STYXL2: variants seen among roughly 807,000 people sequenced by gnomAD.
STYXL2 encodes serine/threonine/tyrosine interacting like 2.
Under a neutral mutation model 52.4 loss-of-function variants are expected in STYXL2, and 44 were observed. That is an observed-to-expected ratio of 0.84 (90% confidence interval 0.66 to 1.08). The LOEUF is 1.08. STYXL2 is among the 50% of genes least tolerant of loss of function. STYXL2 has a pLI of 0.00. For synonymous variants in STYXL2, 604 were observed against 586.9 expected (o/e 1.03, Z -0.42); for missense variants, 1,604 against 1,471.7 (o/e 1.09, Z -1.47).
intron 5 of STYXL2, among the ~76,000 whole-genome samples, chr1:167,124,084 T>C (rs1196823990): frequency 2.0e-5 from 3 of 151,934 alleles, no homozygotes; most frequent in East Asian, 3.9e-4. Context: ...TTTTTTGTTT[T>C]TGTTTTTTTT....
intron 2 of STYXL2, among the ~76,000 whole-genome samples, chr1:167,101,681 G>A (rs1305472906): frequency 6.6e-6 from 1 of 151,960 alleles, no homozygotes; most frequent in Non-Finnish European, 1.5e-5. Flanking sequence ...GTGGGCACCT[G>A]TAAGCCCAGC....
chr1:167,102,057 A>G (rs1667414095), intron 2 of STYXL2, among the ~76,000 whole-genome samples: 2 of 152,214 alleles, frequency 1.3e-5, no homozygotes, highest in South Asian at 4.1e-4. Context: ...AAGGGTACAT[A>G]CTATATTATT....
chr1:167,102,830 T>C (rs1259323299), intron 2 of STYXL2, among the ~76,000 whole-genome samples: 1 of 152,220 alleles, frequency 6.6e-6, no homozygotes, highest in Non-Finnish European at 1.5e-5. Context: ...TTAAGTTAAA[T>C]TTTAAGTCTT....
Position 167,128,225 on chromosome 1 carries a change from TC to T in STYXL2, c.3097del (p.Arg1033GlufsTer61). The T allele has an allele frequency of 1.2e-6, 2 of 1,614,048 alleles. No individual in the cohort carries two copies. The highest frequency in any genetic ancestry group is 8.5e-7 in the Non-Finnish European group (1 of 1,180,008). On this transcript the variant is annotated frameshift_variant, in exon 6 of 6. Transcript: ENST00000361200. LOFTEE classifies it high-confidence loss of function. ...SRSTYNETSS[S>X]REESPEPYFF... is the part of the protein sequence containing the mutation. ...GTCCACGTACAACGAGACCTCAAGT[TC>T]CCGAGAGGAGAGCCCAGAGCCCTAC...
At chr1:167,097,756 T>C (rs2102219640) in intron 2 of STYXL2, among the ~76,000 whole-genome samples, 1 of 151,836 alleles carries the variant, frequency 6.6e-6, no homozygotes, top group East Asian at 1.9e-4. Flanking sequence ...CTCAAATATA[T>C]AAATAACTAC....
chr1:167,114,285 T>C (rs1667679407), intron 3 of STYXL2, among the ~76,000 whole-genome samples: 1 of 152,208 alleles, frequency 6.6e-6, no homozygotes, highest in Non-Finnish European at 1.5e-5. Context: ...ATTTACACAG[T>C]AAAATTTTGA....
At chr1:167,105,403 G>A (rs1231069174) in intron 2 of STYXL2, among the ~76,000 whole-genome samples, 2 of 152,212 alleles carry the variant, frequency 1.3e-5, no homozygotes, top group South Asian at 2.1e-4. Context: ...GATGAGGTAT[G>A]TATCGATCCT....
chr1:167,126,135 C>A lies in STYXL2; in HGVS notation c.1004C>A (p.Ala335Asp). Residue 335 changes from alanine (A) to aspartate (D), a missense_variant, in exon 6 of 6, where the codon GCC (alanine) becomes GAC (aspartate). Physicochemically the swap from Ala to Asp is moderately radical, Grantham distance 126 (BLOSUM62 -2). Transcript: ENST00000361200. Reference sequence around the variant, plus strand: ...TCCTCCCTGGGGAAGGCCACCCAGGCCTCCAAGCCCCTCACCCTCATAGAC... The same window carrying A: ...TCCTCCCTGGGGAAGGCCACCCAGGACTCCAAGCCCCTCACCCTCATAGAC... ...SGSSLGKATQASKPLTLIDEE... is the reference protein window; with the variant it reads ...SGSSLGKATQDSKPLTLIDEE... 1 of 1,509,578 alleles carries A rather than the reference C, an allele frequency of 6.6e-7. No homozygotes were observed. Among genetic ancestry groups the A allele is most frequent in the Non-Finnish European group, 8.8e-7 (1 of 1,132,280 alleles). The allele number at this position is 1,509,578 out of a possible 1,614,324, so 93.5% of individuals were successfully genotyped here. A position where few individuals can be genotyped will look rare whatever the true frequency, so the allele number is the denominator to read the frequency against.
Position 167,126,792 on chromosome 1 carries a change from T to C in STYXL2, c.1661T>C (p.Phe554Ser), listed in dbSNP as rs1571349610. The C allele has an allele frequency of 1.9e-6, 3 of 1,614,040 alleles. No individual in the cohort carries two copies. The highest frequency in any genetic ancestry group is 2.5e-6 in the Non-Finnish European group (3 of 1,179,994). The change falls in exon 6 of 6, where the codon TTT becomes TCT. Residue 554 changes from phenylalanine to serine, a missense_variant. Transcript: ENST00000361200. Reference sequence around the variant, plus strand: ...AGATGGAAGATCAAGAGAATCCAATTTGGATTTCACAAGAAAGACTTGGGA... The same window carrying C: ...AGATGGAAGATCAAGAGAATCCAATCTGGATTTCACAAGAAAGACTTGGGA... Reference protein sequence around the residue: ...LERWKIKRIQFGFHKKDLGAG... With the variant: ...LERWKIKRIQSGFHKKDLGAG...
chr1:167,105,169 T>C (rs1180601915), intron 2 of STYXL2, among the ~76,000 whole-genome samples: 7 of 151,840 alleles, frequency 4.6e-5, no homozygotes, highest in African/African-American at 1.7e-4. Flanking sequence ...CTTCCTTCCT[T>C]TTTTTCTGTT....
Position 167,128,831 on chromosome 1 carries a change from A to G in STYXL2, c.*223A>G. On this transcript the variant is annotated 3_prime_UTR_variant, in exon 6 of 6. Coordinates refer to ENST00000361200, the MANE Select transcript of STYXL2 (RefSeq NM_001080426.3). ...CGAATACGAGGTCCGAATGCGGACC[A>G]ACTGATACCATTTTCTGTTGCTCAG... 1.6e-6 allele frequency: 1 copy of G among 616,160 alleles called. No homozygotes were observed. Among genetic ancestry groups the G allele is most frequent in the Non-Finnish European group, 2.7e-6 (1 of 375,368 alleles). The allele number at this position is 616,160 out of a possible 1,614,324, so 38.2% of individuals were successfully genotyped here.
At chr1:167,119,841 G>A (rs996591509) in intron 5 of STYXL2, among the ~76,000 whole-genome samples, 3 of 152,210 alleles carry the variant, frequency 2.0e-5, no homozygotes, top group Non-Finnish European at 4.4e-5. Flanking sequence ...TGGAGAGCAT[G>A]GGGGAGGAGG....
At chr1:167,119,164 CT>C in intron 4 of STYXL2, 84 bp from the exon 5 acceptor site, 1 of 1,318,922 alleles carries the variant, frequency 7.6e-7, no homozygotes, top group Middle Eastern at 2.3e-4. Flanking sequence ...TGGCCCTAGA[CT>C]GGCTGAGGCA....
chr1:167,121,433 G>T (rs1667855690), intron 5 of STYXL2, among the ~76,000 whole-genome samples: 1 of 152,254 alleles, frequency 6.6e-6, no homozygotes, highest in African/African-American at 2.4e-5. Flanking sequence ...CGCACCGGCA[G>T]ACCTCGAGGC....
Position 167,108,456 on chromosome 1 carries a change from C to T in STYXL2, c.111-5254C>T, listed in dbSNP as rs895485373. On this transcript the variant is annotated intron_variant, in intron 2 of 5. Coordinates refer to ENST00000361200, the MANE Select transcript of STYXL2 (RefSeq NM_001080426.3). The stretch of plus-strand genomic sequence containing the variant: ...TTAATCCACCCCCACTCCCCAATAA[C>T]GTTTGTTTGAAAATGCATCTTTTCG... Among the ~76,000 whole-genome samples, 9 of 152,256 alleles carry T rather than the reference C, an allele frequency of 5.9e-5. 1 individual carries two copies. Among genetic ancestry groups the T allele is most frequent in the South Asian group, 4.1e-4 (2 of 4,830 alleles).
intron 2 of STYXL2, among the ~76,000 whole-genome samples, chr1:167,102,304 A>ATAT (rs1553247015): frequency 1.2e-4 from 18 of 150,260 alleles, no homozygotes; most frequent in African/African-American, 1.7e-4. Flanking sequence ...GTTTTTTAAA[A>ATAT]ATATATATAT....
chr1:167,108,535 TA>T (rs1667552817), intron 2 of STYXL2, among the ~76,000 whole-genome samples: 1 of 151,904 alleles, frequency 6.6e-6, no homozygotes. Flanking sequence ...ACCGCTATCG[TA>T]AAACTCTATT....
intron 3 of STYXL2, among the ~76,000 whole-genome samples, chr1:167,116,651 G>T (rs199753034): frequency 0.022 from 2,504 of 113,678 alleles, 31 homozygotes; most frequent in Middle Eastern, 0.032. Flanking sequence ...TTTTTTTTTG[G>T]TTTTTTTTTT....
chr1:167,101,011 G>C (rs1032167064), intron 2 of STYXL2, among the ~76,000 whole-genome samples: 1 of 152,142 alleles, frequency 6.6e-6, no homozygotes, highest in Non-Finnish European at 1.5e-5. Flanking sequence ...TGAGTCTACA[G>C]TGCTTTTTAA....
Sources: allele counts gnomAD v4.1 joint callset (sites outside exome capture counted in the v4.1 genomes callset), GRCh38; gene constraint gnomAD v4.1.1; transcripts MANE v1.5; gene names NCBI Gene and HGNC (gene_info 2026-07-23, HGNC 2026-07-21).